Variants in MRPL33 observed in about 807,000 individuals in gnomAD.
The protein encoded by MRPL33 is large ribosomal subunit protein bL33m.
Under a neutral mutation model 10.1 loss-of-function variants are expected in MRPL33, and 5 were observed. The ratio of observed to expected loss-of-function variants is 0.49; its 90% confidence interval spans 0.26 to 1.04. The LOEUF is 1.04. Among genes scored for constraint, MRPL33 ranks in the 50% least tolerant of loss-of-function variants. The pLI, the probability that MRPL33 is intolerant of heterozygous loss-of-function variation, is 0.14. For missense variants in MRPL33, 79 were observed against 78.1 expected (o/e 1.01, Z -0.04); for synonymous variants, 24 against 27.7 (o/e 0.87, Z 0.42).
intron 3 of MRPL33, 76 bp from the exon 4 acceptor site, chr2:27,779,357 C>G (rs1237532168): frequency 1.4e-6 from 2 of 1,468,816 alleles, no homozygotes; most frequent in Non-Finnish European, 1.8e-6. Context: ...GGCTTATGGT[C>G]TGATATGTAT....
chr2:27,778,099 A>G (rs1677210271), intron 3 of MRPL33, among the ~76,000 whole-genome samples: 1 of 152,210 alleles, frequency 6.6e-6, no homozygotes, highest in Non-Finnish European at 1.5e-5. Flanking sequence ...TTCTGTTGAC[A>G]GGTTAATGAT....
chr2:27,774,921 T>G (rs1677120819), intron 3 of MRPL33, among the ~76,000 whole-genome samples: 1 of 152,086 alleles, frequency 6.6e-6, no homozygotes, highest in Admixed American at 6.5e-5. Context: ...ACCAGCTATG[T>G]AAAGAGAATA....
intron 2 of MRPL33, among the ~76,000 whole-genome samples, chr2:27,773,532 T>C (rs1357085807): frequency 6.6e-6 from 1 of 152,250 alleles, no homozygotes; most frequent in Non-Finnish European, 1.5e-5. Flanking sequence ...ATTTCATATA[T>C]GTCTTGCCTG....
chr2:27,778,436 GGGGTGTGTGTGTGTGTGGGTGTGT>G (rs1677215318), intron 3 of MRPL33, among the ~76,000 whole-genome samples: 3 of 151,946 alleles, frequency 2.0e-5, no homozygotes, highest in Admixed American at 1.3e-4. Flanking sequence ...GAAATAGGTA[GGGGTGTGTGTGTGTGTGGGTGTGT>G]GGGTGTGTGT....
chr2:27,774,058 A>G (rs894465805), intron 2 of MRPL33, among the ~76,000 whole-genome samples: 2 of 152,202 alleles, frequency 1.3e-5, no homozygotes, highest in African/African-American at 4.8e-5. Flanking sequence ...TGAGACAGCG[A>G]TCTTTACAAT....
At chr2:27,776,136 C>T (rs1335818978) in intron 3 of MRPL33, among the ~76,000 whole-genome samples, 1 of 152,222 alleles carries the variant, frequency 6.6e-6, no homozygotes, top group African/African-American at 2.4e-5. Context: ...ATAAACAGTT[C>T]TGATCATAGT....
At chr2:27,774,569 C>A (rs1677114058) in intron 3 of MRPL33, 39 bp downstream of exon 3, 1 of 1,529,566 alleles carries the variant, frequency 6.5e-7, no homozygotes, top group Non-Finnish European at 9.1e-7. Context: ...AGGCCTGTTG[C>A]CCCCTTTGTA....
intron 3 of MRPL33, among the ~76,000 whole-genome samples, chr2:27,775,794 A>G (rs1677139293): frequency 1.3e-5 from 2 of 152,138 alleles, no homozygotes; most frequent in African/African-American, 2.4e-5. Flanking sequence ...ATGGTGTTCA[A>G]ATTTCTGTTT....
At chr2:27,777,040 G>GTATT (rs1016943464) in intron 3 of MRPL33, among the ~76,000 whole-genome samples, 1 of 152,122 alleles carries the variant, frequency 6.6e-6, no homozygotes, top group Non-Finnish European at 1.5e-5. Flanking sequence ...GTTCTTCTAT[G>GTATT]TATTTATTTA....
At chr2:27,771,880 G>A in intron 1 of MRPL33, 81 bp downstream of exon 1, 1 of 1,405,542 alleles carries the variant, frequency 7.1e-7, no homozygotes, top group Non-Finnish European at 1.0e-6. Flanking sequence ...AATGATGCGG[G>A]GAAGGATGTG....
intron 3 of MRPL33, among the ~76,000 whole-genome samples, chr2:27,777,931 T>A (rs1677206383): frequency 6.6e-6 from 1 of 152,216 alleles, no homozygotes; most frequent in South Asian, 2.1e-4. Context: ...GTAATATAGA[T>A]GAGAAACTGT....
At position 27,778,462 on chromosome 2, in the gene MRPL33, GGT is replaced by G. The variant is rs71999326; in HGVS notation, c.149-961_149-960del. Among the ~76,000 whole-genome samples the G allele has an allele frequency of 8.5e-3, 1,286 of 151,726 alleles. 18 individuals are homozygous for G. Among genetic ancestry groups the G allele is most frequent in the African/African-American group, 0.028 (1,174 of 41,402 alleles). ...GGGTGTGTGTGTGTGTGGGTGTGTG[GGT>G]GTGTGTGTGAGAGAGATGGAAGTTA... On this transcript the variant is annotated intron_variant, in intron 3 of 3. Coordinates refer to ENST00000296102, the MANE Select transcript of MRPL33 (RefSeq NM_004891.4).
At chr2:27,772,395 T>G (rs1308478585) in intron 1 of MRPL33, 2 of 366,884 alleles carry the variant, frequency 5.5e-6, no homozygotes, top group African/African-American at 4.2e-5. Context: ...GGTATTACTT[T>G]AGAAAGATTT....
intron 2 of MRPL33, among the ~76,000 whole-genome samples, chr2:27,773,844 C>G (rs983476634): frequency 2.6e-5 from 4 of 152,014 alleles, no homozygotes; most frequent in Non-Finnish European, 5.9e-5. Flanking sequence ...CATGGGGAGA[C>G]AAGACACATG....
At position 27,774,545 on chromosome 2, in the gene MRPL33, G is replaced by A. The variant is rs1677113048; in HGVS notation, c.148+15G>A. ...TGATCCAGTTGGTAAGATCTGGGGA[G>A]GTTAATGCTTCCAAGGCCTGTTGCC... On this transcript the variant is annotated intron_variant, in intron 3 of 3. Transcript: ENST00000296102. 1.2e-6 allele frequency: 2 copies of A among 1,605,606 alleles called. No homozygotes were observed. The highest frequency in any genetic ancestry group is 1.7e-6 in the Non-Finnish European group (2 of 1,172,362).
At chr2:27,774,187 T>C (rs931619243) in intron 2 of MRPL33, among the ~76,000 whole-genome samples, 1 of 152,196 alleles carries the variant, frequency 6.6e-6, no homozygotes, top group Non-Finnish European at 1.5e-5. Context: ...TTGTTCTTAT[T>C]GTTTTGGTTA....
chr2:27,774,604 G>A (rs1238757805), intron 3 of MRPL33, 74 bp downstream of exon 3: 3 of 1,240,962 alleles, frequency 2.4e-6, no homozygotes, highest in South Asian at 1.2e-5. Context: ...ACTCTCTGGA[G>A]GTGTTTTTTT....
At chr2:27,777,218 A>G (rs866699673) in intron 3 of MRPL33, among the ~76,000 whole-genome samples, 9 of 151,858 alleles carry the variant, frequency 5.9e-5, no homozygotes, top group Middle Eastern at 3.4e-3. Context: ...TTTTTTGTAC[A>G]GTGTCTTCTG....
At chr2:27,775,328 C>A (rs369231989) in intron 3 of MRPL33, among the ~76,000 whole-genome samples, 27 of 147,382 alleles carry the variant, frequency 1.8e-4, no homozygotes, top group African/African-American at 6.7e-4. Flanking sequence ...TCTGGCTGTT[C>A]ATTTTGTGCT....
Sources: gnomAD v4.1 joint callset for allele counts (sites outside exome capture counted in the v4.1 genomes callset) on GRCh38, gnomAD v4.1.1 for gene constraint, MANE v1.5 for transcripts, NCBI Gene and HGNC (gene_info 2026-07-23, HGNC 2026-07-21) for gene names.